The following CNTN5 variants were observed in gnomAD, a reference collection of about 807,000 sequenced individuals.
The protein encoded by CNTN5 is contactin-5.
A neutral mutation model predicts 129.1 loss-of-function variants in CNTN5; 77 were observed. The observed-to-expected ratio is 0.60, with a 90% CI of 0.50 to 0.72. The LOEUF (loss-of-function observed/expected upper bound fraction) is 0.72. Ranked by LOEUF, CNTN5 falls within the 30% of genes least tolerant of loss-of-function variation. The pLI is 0.00. For synonymous variants in CNTN5, 509 were observed against 465.6 expected (o/e 1.09, Z -1.20); for missense variants, 1,478 against 1,328.8 (o/e 1.11, Z -1.75).
intron 1 of CNTN5, among the ~76,000 whole-genome samples, chr11:99,196,114 A>G (rs1453812968): frequency 6.6e-6 from 1 of 151,966 alleles, no homozygotes; most frequent in Non-Finnish European, 1.5e-5. Context: ...AAAAGTGTCT[A>G]TACAATGCTT....
rs549206372 is a variant in CNTN5 at position 99,340,194 on chromosome 11, G to T, written c.-71+14710G>T. ...GATTGGGCAAGTGTCAGAGAAAGCAGTTTGGGATGGGAAGATTAAGGAGAT... is the reference window on the plus strand; with the variant it reads ...GATTGGGCAAGTGTCAGAGAAAGCATTTTGGGATGGGAAGATTAAGGAGAT... On this transcript the variant is annotated intron_variant, in intron 2 of 24. Transcript: ENST00000524871. Among the ~76,000 whole-genome samples the T allele has an allele frequency of 3.1e-4, 47 of 152,278 alleles. No homozygotes were observed. In the South Asian group the frequency reaches 6.0e-3, roughly 19 times the overall value.
chr11:99,201,683 T>G (rs1591352214), intron 1 of CNTN5, among the ~76,000 whole-genome samples: 1 of 152,184 alleles, frequency 6.6e-6, no homozygotes, highest in South Asian at 2.1e-4. Context: ...TGGCAAAAGT[T>G]TAGTCAGTCA....
chr11:99,313,529 T>G (rs1466517851), intron 1 of CNTN5, among the ~76,000 whole-genome samples: 2 of 151,652 alleles, frequency 1.3e-5, no homozygotes, highest in Non-Finnish European at 2.9e-5. Flanking sequence ...GAGGAGAAAA[T>G]TATTTACTTA....
At chr11:99,139,608 T>C (rs1859415359) in intron 1 of CNTN5, among the ~76,000 whole-genome samples, 1 of 151,892 alleles carries the variant, frequency 6.6e-6, no homozygotes, top group East Asian at 1.9e-4. Context: ...TCTCCAATTA[T>C]AAAACATCTT....
intron 1 of CNTN5, among the ~76,000 whole-genome samples, chr11:99,259,219 C>T (rs114780687): frequency 0.012 from 1,861 of 151,734 alleles, 46 homozygotes; most frequent in African/African-American, 0.043. Flanking sequence ...TAAACAAATA[C>T]GATCACATAT....
At chr11:100,088,040 T>TA (rs57676591) in intron 13 of CNTN5, among the ~76,000 whole-genome samples, 55,722 of 148,268 alleles carry the variant, frequency 0.38, 10,409 homozygotes, top group East Asian at 0.53. Flanking sequence ...AAGGCAGAAA[T>TA]AAAAAAAAAA....
intron 6 of CNTN5, among the ~76,000 whole-genome samples, chr11:99,847,052 G>C (rs1187998019): frequency 6.6e-6 from 1 of 152,158 alleles, no homozygotes; most frequent in Non-Finnish European, 1.5e-5. Flanking sequence ...GTCTTTTCAA[G>C]ATAGATGCAG....
chr11:99,531,595 C>G (rs1037701564), intron 2 of CNTN5, among the ~76,000 whole-genome samples: 1 of 152,170 alleles, frequency 6.6e-6, no homozygotes, highest in Admixed American at 6.5e-5. Context: ...AGGAGGAAAA[C>G]GTGGTTTCAC....
chr11:99,599,769 G>A (rs1369261455), intron 3 of CNTN5, among the ~76,000 whole-genome samples: 1 of 151,970 alleles, frequency 6.6e-6, no homozygotes, highest in Admixed American at 6.6e-5. Flanking sequence ...CATATTGAAT[G>A]GTGTATTATT....
chr11:99,294,048 G>A (rs1337135710), intron 1 of CNTN5, among the ~76,000 whole-genome samples: 1 of 151,658 alleles, frequency 6.6e-6, no homozygotes, highest in Non-Finnish European at 1.5e-5. Context: ...AGCATTTACT[G>A]CTATAAACTT....
At chr11:99,682,025 T>G (rs778703972) in intron 3 of CNTN5, among the ~76,000 whole-genome samples, 10 of 151,918 alleles carry the variant, frequency 6.6e-5, no homozygotes, top group Non-Finnish European at 1.5e-4. Context: ...ATTTTAGGTC[T>G]AGGCAAAAAA....
chr11:99,203,447 T>A (rs11218799), intron 1 of CNTN5, among the ~76,000 whole-genome samples: 1 of 152,088 alleles, frequency 6.6e-6, no homozygotes, highest in Non-Finnish European at 1.5e-5. Flanking sequence ...ACTTGTATTT[T>A]ACATTTGTAT....
At chr11:99,630,257 T>C (rs61911156) in intron 3 of CNTN5, among the ~76,000 whole-genome samples, 29 of 20,512 alleles carry the variant, frequency 1.4e-3, no homozygotes, top group African/African-American at 2.1e-3. Flanking sequence ...CATATATATA[T>C]ATATATATAT....
chr11:100,233,982 G>A (rs1202365690), intron 16 of CNTN5, among the ~76,000 whole-genome samples: 1 of 152,002 alleles, frequency 6.6e-6, no homozygotes, highest in African/African-American at 2.4e-5. Context: ...ATCAAAAAGT[G>A]GGCAAAGGAT....
Position 100,122,081 on chromosome 11 carries a change from G to C in CNTN5, c.1580+47787G>C, listed in dbSNP as rs556085482. On this transcript the variant is annotated intron_variant, in intron 13 of 24. Coordinates refer to ENST00000524871, the MANE Select transcript of CNTN5 (RefSeq NM_014361.4). ...AAATTATGGAGTCTGAGAAGTCCCA[G>C]GGCAGGCTATCTGCAAGCTGGAGAC... Among the ~76,000 whole-genome samples the C allele has an allele frequency of 2.0e-4, 31 of 152,048 alleles. No individual in the cohort carries two copies. In the South Asian group the frequency reaches 3.1e-3, roughly 15 times the overall value.
chr11:100,286,904 T>C (rs903229857), intron 18 of CNTN5, among the ~76,000 whole-genome samples: 1 of 151,734 alleles, frequency 6.6e-6, no homozygotes, highest in African/African-American at 2.4e-5. Flanking sequence ...TACAGAGAAG[T>C]GCTTAAAGGA....
At chr11:99,869,646 A>C (rs757966450) in intron 6 of CNTN5, among the ~76,000 whole-genome samples, 2 of 152,156 alleles carry the variant, frequency 1.3e-5, no homozygotes, top group Non-Finnish European at 2.9e-5. Flanking sequence ...ACACCAAAAA[A>C]CACAGTCACC....
At chr11:100,141,354 T>A (rs1331044655) in intron 13 of CNTN5, among the ~76,000 whole-genome samples, 1 of 151,570 alleles carries the variant, frequency 6.6e-6, no homozygotes, top group Non-Finnish European at 1.5e-5. Flanking sequence ...TTGGAAACAG[T>A]GAGGGGTGGG....
intron 2 of CNTN5, among the ~76,000 whole-genome samples, chr11:99,429,705 C>G (rs951880547): frequency 6.6e-6 from 1 of 152,052 alleles, no homozygotes. Context: ...AGAGTCTACA[C>G]TTAATCCTGG....
Sources: gnomAD v4.1 joint callset for allele counts (sites outside exome capture counted in the v4.1 genomes callset) on GRCh38, gnomAD v4.1.1 for gene constraint, MANE v1.5 for transcripts, NCBI Gene and HGNC (gene_info 2026-07-23, HGNC 2026-07-21) for gene names.